SPOPL: variants seen among roughly 807,000 people sequenced by gnomAD.
SPOPL encodes speckle type BTB/POZ protein like, also known as speckle-type POZ protein-like.
SPOPL carries 23 observed loss-of-function variants against 53.8 expected under a neutral mutation model. The observed-to-expected ratio is 0.43, with a 90% CI of 0.31 to 0.61. The LOEUF (loss-of-function observed/expected upper bound fraction) is 0.61. Ranked by LOEUF, SPOPL falls within the 20% of genes least tolerant of loss-of-function variation. The probability of loss-of-function intolerance (pLI) is 0.12; values close to 1 mark genes in which losing one functional copy is unlikely to be tolerated. For synonymous variants in SPOPL, 164 were observed against 149.7 expected, an observed-to-expected ratio of 1.10 and a Z score of -0.70; for missense variants, 442 against 466.9, an observed-to-expected ratio of 0.95 and a Z score of 0.49.
chr2:138,513,705 GCTCCAGCCTAGGAAATA>G (rs1684377423), intron 1 of SPOPL, among the ~76,000 whole-genome samples: 1 of 146,884 alleles, frequency 6.8e-6, no homozygotes, highest in South Asian at 2.1e-4. Context: ...TTGTCACTGC[GCTCCAGCCTAGGAAATA>G]GAGCTAGACC....
At chr2:138,555,512 G>T (rs565026796) in intron 5 of SPOPL, among the ~76,000 whole-genome samples, 8 of 151,788 alleles carry the variant, frequency 5.3e-5, no homozygotes, top group African/African-American at 1.7e-4. Context: ...TCTAAAACTC[G>T]CTATTCTGGA....
chr2:138,528,986 C>A (rs1684739658), intron 1 of SPOPL, among the ~76,000 whole-genome samples: 1 of 152,152 alleles, frequency 6.6e-6, no homozygotes, highest in Non-Finnish European at 1.5e-5. Context: ...AAAATCTGTT[C>A]TCATCGTTTT....
chr2:138,536,902 C>G (rs914601569), intron 1 of SPOPL, among the ~76,000 whole-genome samples: 13 of 152,326 alleles, frequency 8.5e-5, no homozygotes, highest in African/African-American at 3.1e-4. Flanking sequence ...GTATTTCTTT[C>G]CCAGTGTATC....
intron 1 of SPOPL, among the ~76,000 whole-genome samples, chr2:138,545,129 G>C (rs900941909): frequency 1.3e-5 from 2 of 152,184 alleles, no homozygotes; most frequent in Non-Finnish European, 2.9e-5. Flanking sequence ...GAAGCTCCAA[G>C]GCAGGTGAAA....
At chr2:138,561,385 G>A (rs1410016046) in intron 8 of SPOPL, among the ~76,000 whole-genome samples, 3 of 151,898 alleles carry the variant, frequency 2.0e-5, no homozygotes, top group Non-Finnish European at 2.9e-5. Flanking sequence ...ATACTTTTTT[G>A]TAATGATGAT....
At chr2:138,540,484 A>G (rs1421934751) in intron 1 of SPOPL, among the ~76,000 whole-genome samples, 6 of 152,112 alleles carry the variant, frequency 3.9e-5, no homozygotes, top group African/African-American at 1.4e-4. Context: ...TTGGATTCCT[A>G]GGTATTTTAT....
chr2:138,561,492 T>C (rs908478041), intron 8 of SPOPL, among the ~76,000 whole-genome samples: 1 of 152,196 alleles, frequency 6.6e-6, no homozygotes, highest in Non-Finnish European at 1.5e-5. Context: ...AGTTCACATA[T>C]GCATGTATGT....
intron 1 of SPOPL, among the ~76,000 whole-genome samples, chr2:138,529,983 C>T (rs182935718): frequency 2.1e-4 from 32 of 152,224 alleles, no homozygotes; most frequent in African/African-American, 7.5e-4. Flanking sequence ...ACGCTTTACC[C>T]TCTAATAGGC....
chr2:138,505,594 TAAAAA>T (rs1169614974), intron 1 of SPOPL, among the ~76,000 whole-genome samples: 24,200 of 74,080 alleles, frequency 0.33, 3,203 homozygotes, highest in Non-Finnish European at 0.41. Flanking sequence ...GTGTCTCTTC[TAAAAA>T]AAAAAAAAAA....
chr2:138,572,029 CTGTG>C lies in SPOPL; in HGVS notation c.*2953_*2956del, dbSNP rs1386755904. On this transcript the variant is annotated 3_prime_UTR_variant, in exon 11 of 11. Transcript: ENST00000280098. Reference sequence around the variant, plus strand: ...TGTGTGTGTGTATGCGCGTGTGTGTCTGTGTGTTTGTGTACATACCTGTATTTGC... The same window carrying C: ...TGTGTGTGTGTATGCGCGTGTGTGTCTGTTTGTGTACATACCTGTATTTGC... The C allele has an allele frequency of 2.6e-5, 4 of 151,594 alleles. No homozygotes were observed. Among genetic ancestry groups the C allele is most frequent in the Non-Finnish European group, 5.9e-5 (4 of 67,674 alleles). 9.4% of individuals were successfully genotyped at this position (151,594 alleles called of 1,614,324 possible).
intron 1 of SPOPL, among the ~76,000 whole-genome samples, chr2:138,505,543 G>C (rs952494955): frequency 2.1e-5 from 3 of 143,586 alleles, no homozygotes; most frequent in African/African-American, 7.8e-5. Flanking sequence ...TATCACTTAA[G>C]GTCAGGAGTT....
At chr2:138,520,412 T>C (rs978834812) in intron 1 of SPOPL, among the ~76,000 whole-genome samples, 13 of 152,198 alleles carry the variant, frequency 8.5e-5, no homozygotes, top group African/African-American at 2.9e-4. Flanking sequence ...TATACATACC[T>C]GCGTACATAC....
chr2:138,561,588 G>A (rs1299920143), intron 8 of SPOPL, among the ~76,000 whole-genome samples: 1 of 152,054 alleles, frequency 6.6e-6, no homozygotes, highest in Non-Finnish European at 1.5e-5. Flanking sequence ...GTTACCATTG[G>A]GGAAATTGGA....
At chr2:138,511,410 C>A (rs893533043) in intron 1 of SPOPL, among the ~76,000 whole-genome samples, 1 of 152,078 alleles carries the variant, frequency 6.6e-6, no homozygotes, top group Non-Finnish European at 1.5e-5. Context: ...GTAAAGATAA[C>A]CTTTACATCA....
At chr2:138,565,033 T>A in intron 10 of SPOPL, 40 bp downstream of exon 10, 1 of 1,605,308 alleles carries the variant, frequency 6.2e-7, no homozygotes, top group Non-Finnish European at 8.5e-7. Flanking sequence ...TTGCTCTACA[T>A]AAGTGAGATT....
intron 1 of SPOPL, among the ~76,000 whole-genome samples, chr2:138,507,934 G>A (rs2104853574): frequency 6.6e-6 from 1 of 152,230 alleles, no homozygotes. Flanking sequence ...AAATATTTTA[G>A]TTATATTCCA....
intron 1 of SPOPL, among the ~76,000 whole-genome samples, chr2:138,533,465 G>A (rs948912788): frequency 3.3e-5 from 5 of 152,004 alleles, no homozygotes; most frequent in Admixed American, 1.3e-4. Flanking sequence ...TAGGGAATGT[G>A]TTTTATTTAT....
In SPOPL at chr2:138,560,798, A is replaced by G. The variant is rs374939865; in HGVS notation, c.715-7A>G. 1.9e-6 allele frequency: 3 copies of G among 1,564,316 alleles called. No individual in the cohort carries two copies. The highest frequency in any genetic ancestry group is 2.1e-5 in the Admixed American group (1 of 47,226). ...TTTAACATTTTTGTGTTGTTTTTCG[A>G]TATCAGAATCGAGTGGAAATAAATG... On this transcript the variant is annotated splice_region_variant and splice_polypyrimidine_tract_variant and intron_variant, in intron 7 of 10. Transcript: ENST00000280098.
intron 1 of SPOPL, among the ~76,000 whole-genome samples, chr2:138,544,612 ATT>A (rs911446664): frequency 2.6e-5 from 4 of 152,068 alleles, no homozygotes; most frequent in African/African-American, 9.7e-5. Context: ...GAGTGACCCG[ATT>A]TTCCAGGTGC....
Sources: allele counts gnomAD v4.1 joint callset (sites outside exome capture counted in the v4.1 genomes callset), GRCh38; gene constraint gnomAD v4.1.1; transcripts MANE v1.5; gene names NCBI Gene and HGNC (gene_info 2026-07-23, HGNC 2026-07-21).